CR1L: variants seen among roughly 807,000 people sequenced by gnomAD.
CR1L encodes the protein complement component receptor 1-like protein.
Under a neutral mutation model 62.3 loss-of-function variants are expected in CR1L, and 59 were observed. That is an observed-to-expected ratio of 0.95 (90% CI 0.77 to 1.18). The LOEUF (loss-of-function observed/expected upper bound fraction) is 1.18. CR1L is among the 50% of genes most tolerant of loss of function. The probability of loss-of-function intolerance (pLI) is 0.00; values close to 1 mark genes in which losing one functional copy is unlikely to be tolerated. For synonymous variants in CR1L, 279 were observed against 248.7 expected, an observed-to-expected ratio of 1.12 and a Z score of -1.15; for missense variants, 700 against 702.8, an observed-to-expected ratio of 1.00 and a Z score of 0.04.
In CR1L at chr1:207,645,335, G is replaced by T; in HGVS notation, c.97+5G>T. 6.2e-7 allele frequency: 1 copy of T among 1,614,024 alleles called. No homozygotes were observed. Reference sequence around the variant, plus strand: ...TGCTGCTGTCCTCCTTCTCCGGTAGGACCCCGGGGTGGATTCGCGCGTCCG... The same window carrying T: ...TGCTGCTGTCCTCCTTCTCCGGTAGTACCCCGGGGTGGATTCGCGCGTCCG... On this transcript the variant is annotated splice_donor_5th_base_variant and intron_variant, in intron 1 of 11. Transcript: ENST00000508064.
chr1:207,687,380 T>G (rs1426320541), intron 4 of CR1L, among the ~76,000 whole-genome samples: 1 of 152,180 alleles, frequency 6.6e-6, no homozygotes, highest in Admixed American at 6.5e-5. Context: ...AACATATATA[T>G]GTAGTAAAGT....
intron 1 of CR1L, among the ~76,000 whole-genome samples, 157 bp downstream of exon 1, chr1:207,645,487 G>A (rs1487153101): frequency 6.6e-6 from 1 of 152,202 alleles, no homozygotes; most frequent in Non-Finnish European, 1.5e-5. Flanking sequence ...CTCAGATCCC[G>A]GGGGTATGTG....
At chr1:207,706,345 C>T (rs932516336) in intron 9 of CR1L, among the ~76,000 whole-genome samples, 4 of 151,434 alleles carry the variant, frequency 2.6e-5, no homozygotes, top group African/African-American at 7.3e-5. Context: ...CACCTCAGCC[C>T]GAGAGGCTGA....
Position 207,656,193 on chromosome 1 carries a change from G to A in CR1L, c.97+10863G>A, listed in dbSNP as rs533507368. 3.3e-5 allele frequency among the ~76,000 whole-genome samples: 5 copies of A among 152,250 alleles called. No homozygotes were observed. The South Asian group carries it at 6.2e-4, about 19-fold the overall frequency. Reference sequence around the variant, plus strand: ...GCGGAGCTTGCAGCGAGCCGAGATCGCGCCACTGCACTCCAGCCTGGGCGA... The same window carrying A: ...GCGGAGCTTGCAGCGAGCCGAGATCACGCCACTGCACTCCAGCCTGGGCGA... On this transcript the variant is annotated intron_variant, in intron 1 of 11. Coordinates refer to ENST00000508064, the MANE Select transcript of CR1L (RefSeq NM_175710.2).
chr1:207,717,830 A>G lies in CR1L; in HGVS notation c.1642+139A>G, dbSNP rs542290660. 190 of 1,039,224 alleles carry G rather than the reference A, an allele frequency of 1.8e-4. 1 individual carries two copies. The highest frequency in any genetic ancestry group is 4.1e-4 in the Admixed American group (16 of 38,752). The allele number at this position is 1,039,224 out of a possible 1,614,324, so 64.4% of individuals were successfully genotyped here. On this transcript the variant is annotated intron_variant, in intron 11 of 11. Coordinates refer to ENST00000508064, the MANE Select transcript of CR1L (RefSeq NM_175710.2). The stretch of plus-strand genomic sequence containing the variant: ...CAGAGACAGAACTACCTCCCAAGTG[A>G]ATGACAAATGGGTTCTAGATAGGCA...
intron 4 of CR1L, among the ~76,000 whole-genome samples, chr1:207,687,447 A>T (rs1291728925): frequency 6.6e-6 from 1 of 152,194 alleles, no homozygotes; most frequent in East Asian, 1.9e-4. Context: ...GCACCCATGT[A>T]AGTGGCACTC....
intron 1 of CR1L, 67 bp downstream of exon 1, chr1:207,645,397 G>A: frequency 6.4e-7 from 1 of 1,556,194 alleles, no homozygotes. Context: ...AGTCGGGCAG[G>A]AGGCGCGGGG....
At chr1:207,646,020 T>A (rs907369456) in intron 1 of CR1L, among the ~76,000 whole-genome samples, 1 of 151,868 alleles carries the variant, frequency 6.6e-6, no homozygotes, top group African/African-American at 2.4e-5. Flanking sequence ...TGCCTGGGGT[T>A]AGAGAGGTGG....
In CR1L at chr1:207,678,235, C is replaced by A; in HGVS notation, c.315C>A (p.Gly105=). 1 of 1,613,698 alleles carries A rather than the reference C, an allele frequency of 6.2e-7. No individual in the cohort carries two copies. Among genetic ancestry groups the A allele is most frequent in the Middle Eastern group, 1.6e-4 (1 of 6,062 alleles). Residue 105 remains glycine (G), a synonymous_variant, in exon 3 of 12, where the codon GGC becomes GGA. Transcript: ENST00000508064. ...SCRNPPDPVN[G]MAHVIKDIQF... ...GTAATCCTCCAGATCCTGTGAATGG[C>A]ATGGCACATGTGATCAAAGACATCC...
rs562435792 is a variant in CR1L, at chr1:207,701,462, G to A, written c.1229-57G>A. On this transcript the variant is annotated intron_variant, in intron 8 of 11. Coordinates refer to ENST00000508064, the MANE Select transcript of CR1L (RefSeq NM_175710.2). ...AGCTACATGCAGGTTGAGACCTTAC[G>A]TACTGAAGAGAGTTCAGATTACTCT... 225 of 1,599,900 alleles carry A rather than the reference G, an allele frequency of 1.4e-4. 1 individual carries two copies. The highest frequency in any genetic ancestry group is 6.1e-4 in the South Asian group (55 of 90,816).
chr1:207,663,913 T>C (rs369166910), intron 1 of CR1L, among the ~76,000 whole-genome samples: 3 of 152,256 alleles, frequency 2.0e-5, no homozygotes, highest in African/African-American at 4.8e-5. Flanking sequence ...ATTTCTGCTG[T>C]CTGCAGAACA....
intron 1 of CR1L, among the ~76,000 whole-genome samples, chr1:207,672,805 A>G (rs1663633523): frequency 6.6e-6 from 1 of 152,092 alleles, no homozygotes; most frequent in South Asian, 2.1e-4. Flanking sequence ...GGTAATTCCA[A>G]TTTGCTTTCT....
At chr1:207,673,879 G>A (rs1663650860) in intron 1 of CR1L, among the ~76,000 whole-genome samples, 1 of 152,170 alleles carries the variant, frequency 6.6e-6, no homozygotes, top group Admixed American at 6.5e-5. Context: ...TTTCATAACA[G>A]TTTTGTTTGT....
At chr1:207,694,032 C>CA (rs1664033127) in intron 4 of CR1L, among the ~76,000 whole-genome samples, 1 of 151,864 alleles carries the variant, frequency 6.6e-6, no homozygotes, top group Non-Finnish European at 1.5e-5. Context: ...CAGTTATTAA[C>CA]AAAAATGCAA....
intron 1 of CR1L, chr1:207,669,389 C>G: frequency 9.6e-7 from 1 of 1,043,562 alleles, no homozygotes; most frequent in East Asian, 2.4e-5. Flanking sequence ...TGCGCTTTTC[C>G]TCTTATTTCA....
rs980201831 is a variant in CR1L, at chr1:207,682,148, AAATT to A, written c.378-1715_378-1712del. ...TACCCCAGAACTTAAAGTATAATAA[AAATT>A]AATTAATTGATTAATTAATTTTAAA... On this transcript the variant is annotated intron_variant, in intron 3 of 11. Transcript: ENST00000508064. Among the ~76,000 whole-genome samples the A allele has an allele frequency of 4.2e-4, 64 of 152,218 alleles. 2 individuals carry two copies. Among genetic ancestry groups the A allele is most frequent in the African/African-American group, 1.4e-3 (60 of 41,526 alleles).
chr1:207,699,811 T>C (rs1664164147), intron 8 of CR1L, among the ~76,000 whole-genome samples: 1 of 152,110 alleles, frequency 6.6e-6, no homozygotes, highest in Non-Finnish European at 1.5e-5. Flanking sequence ...ATGAACAAGA[T>C]GAGTGAAGTC....
At position 207,680,326 on chromosome 1, in the gene CR1L, C is replaced by T. The variant is rs1663776205; in HGVS notation, c.377+2029C>T. On this transcript the variant is annotated intron_variant, in intron 3 of 11. Transcript: ENST00000508064. ...CTACATAAAAGTAAATACACAGGCA[C>T]ATGTGCATAAACAGACACGCACACA... Among the ~76,000 whole-genome samples the T allele has an allele frequency of 5.3e-5, 8 of 152,148 alleles. No homozygotes were observed. In the South Asian group the frequency reaches 1.7e-3, roughly 32 times the overall value.
At chr1:207,662,744 T>A (rs1324111099) in intron 1 of CR1L, among the ~76,000 whole-genome samples, 1 of 152,202 alleles carries the variant, frequency 6.6e-6, no homozygotes, top group Non-Finnish European at 1.5e-5. Flanking sequence ...TGTTTCCAGT[T>A]TTTCTGCTCT....
Sources: gnomAD v4.1 joint callset for allele counts (sites outside exome capture counted in the v4.1 genomes callset) on GRCh38, gnomAD v4.1.1 for gene constraint, MANE v1.5 for transcripts, NCBI Gene and HGNC (gene_info 2026-07-23, HGNC 2026-07-21) for gene names.